MYO5A: variants seen among roughly 807,000 people sequenced by gnomAD.
MYO5A encodes unconventional myosin-Va.
MYO5A carries 98 observed loss-of-function variants against 249.7 expected under a neutral mutation model. The ratio of observed to expected loss-of-function variants is 0.39; its 90% CI spans 0.33 to 0.46. The LOEUF (loss-of-function observed/expected upper bound fraction) is 0.46. MYO5A is among the 20% of genes least tolerant of loss of function. The pLI is 0.98. For synonymous variants in MYO5A, 778 were observed against 810.6 expected (o/e 0.96, Z 0.68); for missense variants, 1,696 against 2,308.8 (o/e 0.73, Z 5.44).
intron 9 of MYO5A, among the ~76,000 whole-genome samples, chr15:52,404,290 A>G (rs1029452951): frequency 1.7e-3 from 231 of 134,690 alleles, no homozygotes; most frequent in African/African-American, 6.0e-3. Flanking sequence ...AAAAAAAAAA[A>G]GTTATGGAAC....
At chr15:52,370,737 C>G (rs1247981190) in intron 21 of MYO5A, among the ~76,000 whole-genome samples, 3 of 152,156 alleles carry the variant, frequency 2.0e-5, no homozygotes, top group Non-Finnish European at 4.4e-5. Flanking sequence ...AGGATCTATA[C>G]TTGTTTTTGA....
At position 52,482,644 on chromosome 15, in the gene MYO5A, AT is replaced by A. The variant is rs112260382; in HGVS notation, c.27+46135del. 8.3e-3 allele frequency among the ~76,000 whole-genome samples: 1,244 copies of A among 149,204 alleles called. 11 individuals are homozygous for A. Among genetic ancestry groups the A allele is most frequent in the African/African-American group, 0.028 (1,131 of 40,886 alleles). The stretch of plus-strand genomic sequence containing the variant: ...CCCTAACATTAATTTCCTGTTCATA[AT>A]TTTTTTTTTTAATAAAAGGTAAGAC... On this transcript the variant is annotated intron_variant, in intron 1 of 41. Transcript: ENST00000399233.
At chr15:52,321,329 C>A in intron 38 of MYO5A, 30 bp downstream of exon 38, 18 of 1,613,978 alleles carry the variant, frequency 1.1e-5, no homozygotes, top group Non-Finnish European at 1.5e-5. Context: ...GATAGGCAGG[C>A]TGCAATGCCC....
chr15:52,330,381 C>T lies in MYO5A; in HGVS notation c.4527G>A (p.Glu1509=), dbSNP rs1213585712. 1 of 1,614,122 alleles carries T rather than the reference C, an allele frequency of 6.2e-7. No homozygotes were observed. The highest frequency in any genetic ancestry group is 1.1e-5 in the South Asian group (1 of 91,080). The part of the protein sequence containing the change: ...QGMLEYKKED[E]QKLVKNLILE... Reference sequence around the variant, plus strand: ...GAATCAGGTTCTTAACAAGTTTTTGCTCATCCTCCTTCTTGTATTCCAGCA... The same window carrying T: ...GAATCAGGTTCTTAACAAGTTTTTGTTCATCCTCCTTCTTGTATTCCAGCA... Residue 1509 remains glutamate, a synonymous_variant, in exon 35 of 42, where the codon GAG becomes GAA. Transcript: ENST00000399233.
chr15:52,425,671 T>C (rs1488363358), intron 4 of MYO5A, among the ~76,000 whole-genome samples, 159 bp downstream of exon 4: 1 of 152,234 alleles, frequency 6.6e-6, no homozygotes, highest in Non-Finnish European at 1.5e-5. Flanking sequence ...ACTTTATTAT[T>C]TAATAATAAT....
chr15:52,345,773 T>G (rs78062776), intron 30 of MYO5A, among the ~76,000 whole-genome samples: 3,154 of 152,272 alleles, frequency 0.021, 84 homozygotes, highest in African/African-American at 0.072. Flanking sequence ...ATAAAGTATG[T>G]ATGTTTACCA....
At chr15:52,325,891 T>C (rs1674048975) in intron 36 of MYO5A, among the ~76,000 whole-genome samples, 1 of 152,214 alleles carries the variant, frequency 6.6e-6, no homozygotes, top group South Asian at 2.1e-4. Context: ...GCCGAAGTAG[T>C]ATTTTTTGCA....
At chr15:52,318,479 A>AG (rs71130149) in intron 39 of MYO5A, among the ~76,000 whole-genome samples, 4 of 148,936 alleles carry the variant, frequency 2.7e-5, no homozygotes, top group Non-Finnish European at 5.9e-5. Context: ...AAAAAAAAAA[A>AG]TTTGCAAAAA....
chr15:52,367,916 A>C (rs1019556971), intron 22 of MYO5A, among the ~76,000 whole-genome samples: 1 of 115,502 alleles, frequency 8.7e-6, no homozygotes, highest in East Asian at 2.2e-4. Flanking sequence ...CACACACACA[A>C]GTTGACTCTT....
intron 1 of MYO5A, among the ~76,000 whole-genome samples, chr15:52,438,732 C>T (rs1054775985): frequency 1.9e-4 from 29 of 152,362 alleles, no homozygotes; most frequent in African/African-American, 6.0e-4. Context: ...GCATTCCAGC[C>T]GGCAACGGCT....
intron 36 of MYO5A, among the ~76,000 whole-genome samples, chr15:52,326,935 G>A (rs2038638882): frequency 6.6e-6 from 1 of 152,156 alleles, no homozygotes; most frequent in Non-Finnish European, 1.5e-5. Context: ...TCAAGAGGGG[G>A]ATTATGCAAG....
chr15:52,405,214 T>C, intron 9 of MYO5A, 73 bp downstream of exon 9: 1 of 1,080,074 alleles, frequency 9.3e-7, no homozygotes, highest in Non-Finnish European at 1.4e-6. Flanking sequence ...TAAACTATAT[T>C]GCTTCTTTAA....
chr15:52,425,630 G>GA (rs946911886), intron 4 of MYO5A, among the ~76,000 whole-genome samples, 200 bp downstream of exon 4: 2 of 152,150 alleles, frequency 1.3e-5, no homozygotes, highest in African/African-American at 4.8e-5. Flanking sequence ...AAAGTGCTGG[G>GA]AATACAGACA....
At chr15:52,399,214 T>C (rs1365537673) in intron 9 of MYO5A, among the ~76,000 whole-genome samples, 1 of 152,150 alleles carries the variant, frequency 6.6e-6, no homozygotes, top group East Asian at 1.9e-4. Flanking sequence ...CTTCTTGAGG[T>C]TTCTGTTGAT....
intron 25 of MYO5A, among the ~76,000 whole-genome samples, chr15:52,355,371 G>A (rs76603517): frequency 0.036 from 5,517 of 152,194 alleles, 335 homozygotes; most frequent in African/African-American, 0.13. Context: ...CATTTTTACT[G>A]TTAGAATATT....
intron 1 of MYO5A, among the ~76,000 whole-genome samples, chr15:52,465,347 G>A (rs142871180): frequency 6.6e-4 from 100 of 152,160 alleles, no homozygotes; most frequent in African/African-American, 2.3e-3. Flanking sequence ...TTTTAGCCGA[G>A]AAAAGCAGCT....
chr15:52,308,275 T>C lies in MYO5A; in HGVS notation c.*5421A>G, dbSNP rs1024990336. 6.6e-6 allele frequency: 1 copy of C among 152,224 alleles called. No homozygotes were observed. 9.4% of individuals were successfully genotyped at this position (152,224 alleles called of 1,614,324 possible). The stretch of plus-strand genomic sequence containing the variant: ...GCATTTTGGAAGATATTTTACATAG[T>C]ATTTTTCAGTTCCTCATCTATTGAG... On this transcript the variant is annotated 3_prime_UTR_variant, in exon 42 of 42. Transcript: ENST00000399233.
At chr15:52,315,851 C>T (rs146928636) in intron 40 of MYO5A, among the ~76,000 whole-genome samples, 68 of 152,016 alleles carry the variant, frequency 4.5e-4, no homozygotes, top group African/African-American at 1.5e-3. Flanking sequence ...GGGGTTTCAC[C>T]ATGTTGGTCA....
intron 29 of MYO5A, among the ~76,000 whole-genome samples, chr15:52,347,575 A>G (rs900577030): frequency 6.6e-6 from 1 of 152,222 alleles, no homozygotes; most frequent in African/African-American, 2.4e-5. Flanking sequence ...ACAAGTTCCA[A>G]GATAACTTTA....
Sources: gnomAD v4.1 joint callset for allele counts (sites outside exome capture counted in the v4.1 genomes callset) on GRCh38, gnomAD v4.1.1 for gene constraint, MANE v1.5 for transcripts, NCBI Gene and HGNC (gene_info 2026-07-23, HGNC 2026-07-21) for gene names.